The following IKZF1 variants were observed in gnomAD, a reference collection of about 807,000 sequenced individuals.
IKZF1 encodes DNA-binding protein Ikaros.
In IKZF1, 10 loss-of-function variants were observed where a neutral mutation model predicts 51.7. That is an observed-to-expected ratio of 0.19 (90% CI 0.12 to 0.33). The LOEUF is 0.33. Ranked by LOEUF, IKZF1 falls within the 10% of genes least tolerant of loss-of-function variation. IKZF1 has a pLI of 1.00. For synonymous variants in IKZF1, 280 were observed against 282.3 expected (o/e 0.99, Z 0.08); for missense variants, 484 against 707.5 (o/e 0.68, Z 3.58).
At chr7:50,350,118 T>C (rs1293107795) in intron 3 of IKZF1, among the ~76,000 whole-genome samples, 2 of 152,196 alleles carry the variant, frequency 1.3e-5, no homozygotes, top group Non-Finnish European at 1.5e-5. Flanking sequence ...AGGCTGGGCT[T>C]GAATCCCATG....
At chr7:50,364,827 T>G (rs964675062) in intron 3 of IKZF1, among the ~76,000 whole-genome samples, 1 of 152,188 alleles carries the variant, frequency 6.6e-6, no homozygotes, top group African/African-American at 2.4e-5. Context: ...GTCCCTACCC[T>G]GGATGTGTGG....
At chr7:50,347,468 T>G (rs1034060106) in intron 3 of IKZF1, among the ~76,000 whole-genome samples, 2 of 152,138 alleles carry the variant, frequency 1.3e-5, no homozygotes, top group Non-Finnish European at 2.9e-5. Context: ...AGTCATACTC[T>G]TTAAACCATT....
rs954860796 is a variant in IKZF1 at position 50,401,550 on chromosome 7, C to A, written c.*923C>A. ...TTTGAATCTCTCAAACGGCAACATT[C>A]CTCAGAAACCAAAGCTTTATTTCAA... is the stretch of plus-strand genomic sequence containing the variant. On this transcript the variant is annotated 3_prime_UTR_variant, in exon 8 of 8. Transcript: ENST00000331340. 2.2e-5 allele frequency: 5 copies of A among 222,518 alleles called. No individual in the cohort carries two copies. The highest frequency in any genetic ancestry group is 2.7e-5 in the Non-Finnish European group (3 of 111,272). 13.8% of individuals were successfully genotyped at this position (222,518 alleles called of 1,614,324 possible). A position where few individuals can be genotyped will look rare whatever the true frequency, so the allele number is the denominator to read the frequency against.
rs574976027 is a variant in IKZF1 at position 50,318,063 on chromosome 7, C to T, written c.-14-985C>T. 2.0e-5 allele frequency among the ~76,000 whole-genome samples: 3 copies of T among 152,356 alleles called. No individual in the cohort carries two copies. In the South Asian group the frequency reaches 6.2e-4, roughly 32 times the overall value. On this transcript the variant is annotated intron_variant, in intron 1 of 7. Transcript: ENST00000331340. ...AAATGAGCAGATTTCCTTGAGGTCA[C>T]CTTCTGCTGGCCATAGCTTTCTTAT...
At chr7:50,361,497 C>T (rs142822910) in intron 3 of IKZF1, among the ~76,000 whole-genome samples, 36 of 152,324 alleles carry the variant, frequency 2.4e-4, no homozygotes, top group African/African-American at 8.7e-4. Context: ...AGTTGGCTGA[C>T]ATGAAACAGG....
intron 7 of IKZF1, among the ~76,000 whole-genome samples, chr7:50,393,607 G>A (rs1204829307): frequency 6.6e-6 from 1 of 152,230 alleles, no homozygotes; most frequent in Non-Finnish European, 1.5e-5. Flanking sequence ...GCCACTGGCT[G>A]AGCCAGTGGG....
At chr7:50,349,593 G>C (rs1329437210) in intron 3 of IKZF1, among the ~76,000 whole-genome samples, 2 of 152,292 alleles carry the variant, frequency 1.3e-5, no homozygotes, top group East Asian at 3.9e-4. Context: ...CAGACCCTGT[G>C]GGGAGGGCTG....
intron 3 of IKZF1, among the ~76,000 whole-genome samples, chr7:50,347,419 C>T (rs945753706): frequency 1.3e-5 from 2 of 152,166 alleles, no homozygotes; most frequent in African/African-American, 4.8e-5. Context: ...AAACAGTTTA[C>T]GGTGGTTCAT....
At chr7:50,380,885 T>C (rs915715173) in intron 4 of IKZF1, among the ~76,000 whole-genome samples, 2 of 152,246 alleles carry the variant, frequency 1.3e-5, no homozygotes, top group Non-Finnish European at 2.9e-5. Flanking sequence ...TTGATTTACA[T>C]GCATCGGTTT....
upstream of IKZF1, among the ~76,000 whole-genome samples, chr7:50,303,905 C>A (rs1001316674): frequency 6.9e-6 from 1 of 145,288 alleles, no homozygotes; most frequent in Non-Finnish European, 1.5e-5. This position sits in a 1 kb window ranked among gnomAD's most constrained non-coding sequence, Gnocchi z 4.7. Flanking sequence ...GCGCGGGTCC[C>A]GCAGCGCCGC....
At position 50,313,325 on chromosome 7, in the gene IKZF1, C is replaced by T. The variant is rs140685668; in HGVS notation, c.-14-5723C>T. 4.0e-3 allele frequency among the ~76,000 whole-genome samples: 614 copies of T among 152,282 alleles called. 5 individuals are homozygous for T. Among genetic ancestry groups the T allele is most frequent in the African/African-American group, 0.014 (591 of 41,554 alleles). ...ATGTATCTACTCCCTTCAATATAAG[C>T]ATCATTGAGTATTTAAGGAAATAAC... On this transcript the variant is annotated intron_variant, in intron 1 of 7. Transcript: ENST00000331340.
At chr7:50,361,495 G>T (rs1805221568) in intron 3 of IKZF1, among the ~76,000 whole-genome samples, 1 of 152,330 alleles carries the variant, frequency 6.6e-6, no homozygotes, top group Admixed American at 6.5e-5. Flanking sequence ...GAAGTTGGCT[G>T]ACATGAAACA....
At chr7:50,385,700 T>C (rs2153483962) in intron 5 of IKZF1, among the ~76,000 whole-genome samples, 1 of 152,370 alleles carries the variant, frequency 6.6e-6, no homozygotes, top group South Asian at 2.1e-4. Flanking sequence ...TACAGGAAGC[T>C]ATTTGATCAT....
chr7:50,400,053 C>A lies in IKZF1; in HGVS notation c.986C>A (p.Pro329Gln), dbSNP rs780063735. 2 of 1,607,378 alleles carry A rather than the reference C, an allele frequency of 1.2e-6. No individual in the cohort carries two copies. The highest frequency in any genetic ancestry group is 1.7e-5 in the Admixed American group (1 of 59,086). Residue 329 changes from proline to glutamine, a missense_variant, in exon 8 of 8, where the codon CCG (proline) becomes CAG (glutamine). Around this residue, in one of 6 missense-constraint regions of IKZF1, gnomAD observed 172 missense variants for 192.7 expected, o/e 0.89. Coordinates refer to ENST00000331340, the MANE Select transcript of IKZF1 (RefSeq NM_006060.6). This position sits in a 1 kb window ranked among gnomAD's most constrained non-coding sequence, Gnocchi z 5.4. The stretch of plus-strand genomic sequence containing the variant: ...TACCTGGGGGCCGAGTCCCTGCGCC[C>A]GCTGGTGCAGACGCCCCCGGGCGGT... The part of the protein sequence containing the change: ...INYLGAESLR[P>Q]LVQTPPGGSE...
intron 1 of IKZF1, among the ~76,000 whole-genome samples, chr7:50,316,538 C>A (rs1791587105): frequency 6.6e-6 from 1 of 152,240 alleles, no homozygotes; most frequent in Non-Finnish European, 1.5e-5. Flanking sequence ...AAGGTGCTCG[C>A]TGTGGTGTGA....
intron 3 of IKZF1, among the ~76,000 whole-genome samples, chr7:50,370,316 G>A (rs1409609020): frequency 6.6e-6 from 1 of 152,214 alleles, no homozygotes; most frequent in African/African-American, 2.4e-5. Flanking sequence ...TAATTCATTG[G>A]TCAGGTGGGG....
At chr7:50,362,026 A>G (rs1207449364) in intron 3 of IKZF1, among the ~76,000 whole-genome samples, 1 of 152,218 alleles carries the variant, frequency 6.6e-6, no homozygotes, top group Non-Finnish European at 1.5e-5. Flanking sequence ...TTCACTGTGA[A>G]CAATTAAAAT....
intron 3 of IKZF1, among the ~76,000 whole-genome samples, chr7:50,347,227 G>A (rs1800600456): frequency 6.6e-6 from 1 of 152,132 alleles, no homozygotes; most frequent in South Asian, 2.1e-4. Context: ...GAGATGCCTA[G>A]TTAAAAACAG....
At chr7:50,321,289 A>G (rs900436012) in intron 2 of IKZF1, among the ~76,000 whole-genome samples, 3 of 152,200 alleles carry the variant, frequency 2.0e-5, no homozygotes, top group Non-Finnish European at 4.4e-5. Context: ...AAAGCACAAA[A>G]ACAAAAAACG....
Sources: allele counts gnomAD v4.1 joint callset (sites outside exome capture counted in the v4.1 genomes callset), GRCh38; gene constraint gnomAD v4.1.1; regional missense constraint gnomAD v4.1.1; non-coding constraint Gnocchi (gnomAD v3.1); transcripts MANE v1.5; gene names NCBI Gene and HGNC (gene_info 2026-07-23, HGNC 2026-07-21).